Variants in FOXP1 observed in about 807,000 individuals in gnomAD.
FOXP1 encodes forkhead box protein P1.
In FOXP1, 15 loss-of-function variants were observed where a neutral mutation model predicts 98.2. The observed-to-expected ratio is 0.15, with a 90% CI of 0.10 to 0.24. The LOEUF is 0.24. Ranked by LOEUF, FOXP1 falls within the 10% of genes least tolerant of loss-of-function variation. The pLI is 1.00. For synonymous variants in FOXP1, 371 were observed against 314.5 expected (o/e 1.18, Z -1.90); for missense variants, 633 against 848.5 (o/e 0.75, Z 3.15).
chr3:71,229,923 T>A (rs1021051223), intron 5 of FOXP1, among the ~76,000 whole-genome samples: 2 of 152,036 alleles, frequency 1.3e-5, no homozygotes, highest in African/African-American at 4.8e-5. Context: ...GGGTTACTGC[T>A]TCATCTAGGA....
intron 7 of FOXP1, among the ~76,000 whole-genome samples, chr3:71,102,832 GA>G (rs2057085341): frequency 6.6e-6 from 1 of 152,122 alleles, no homozygotes; most frequent in Non-Finnish European, 1.5e-5. Context: ...TGAAAGCATA[GA>G]CTCTTGAGCC....
chr3:71,178,340 T>C (rs1397509200), intron 6 of FOXP1, among the ~76,000 whole-genome samples: 2 of 152,010 alleles, frequency 1.3e-5, no homozygotes. Flanking sequence ...TTCACCATGT[T>C]GGCCAAGATG....
At chr3:71,051,669 T>C (rs927008818) in intron 9 of FOXP1, among the ~76,000 whole-genome samples, 1 of 152,158 alleles carries the variant, frequency 6.6e-6, no homozygotes, top group African/African-American at 2.4e-5. Context: ...TTCAGTCCAC[T>C]GTAAAAATAT....
intron 7 of FOXP1, among the ~76,000 whole-genome samples, chr3:71,081,935 A>G (rs1195892674): frequency 2.0e-5 from 3 of 152,254 alleles, no homozygotes; most frequent in Non-Finnish European, 4.4e-5. Flanking sequence ...TGAAGTGCAC[A>G]ATAGCCAATG....
At chr3:71,038,847 T>C (rs1390098924) in intron 11 of FOXP1, among the ~76,000 whole-genome samples, 4 of 151,964 alleles carry the variant, frequency 2.6e-5, no homozygotes. Flanking sequence ...AAAAGTTTAA[T>C]GGAAATTGGG....
chr3:71,102,594 G>T (rs186917016), intron 7 of FOXP1, among the ~76,000 whole-genome samples: 1 of 152,146 alleles, frequency 6.6e-6, no homozygotes, highest in African/African-American at 2.4e-5. Flanking sequence ...AGTAATACCC[G>T]TCTTTCTTCT....
chr3:71,176,743 C>CA lies in FOXP1; in HGVS notation c.180+21458dup, dbSNP rs573639526. On this transcript the variant is annotated intron_variant, in intron 6 of 20. Transcript: ENST00000649528. ...AGGGCAACAGAGCAAGAGGCTATCT[C>CA]AAAAAAAAAAAAAAAAAAAAAAAAA... 1.4e-3 allele frequency among the ~76,000 whole-genome samples: 102 copies of CA among 75,542 alleles called. 1 individual carries two copies. The highest frequency in any genetic ancestry group is 1.3e-3 in the Non-Finnish European group (56 of 41,502). 49.6% of individuals were successfully genotyped at this position (75,542 alleles called of 152,430 possible).
chr3:71,248,084 A>T (rs145973313), intron 5 of FOXP1, among the ~76,000 whole-genome samples: 1,708 of 152,310 alleles, frequency 0.011, 15 homozygotes, highest in Non-Finnish European at 0.019. Flanking sequence ...CTCCTCTTGG[A>T]CTTGTCAATT....
chr3:71,519,114 C>T (rs760134979), intron 2 of FOXP1, among the ~76,000 whole-genome samples: 1 of 152,136 alleles, frequency 6.6e-6, no homozygotes, highest in African/African-American at 2.4e-5. Flanking sequence ...GATGTGGTGG[C>T]ACATGCCTCT....
chr3:70,984,261 T>C (rs966463926), intron 14 of FOXP1, among the ~76,000 whole-genome samples: 1 of 152,212 alleles, frequency 6.6e-6, no homozygotes, highest in African/African-American at 2.4e-5. Flanking sequence ...CTATTCCTTT[T>C]CTTCCTCTAC....
chr3:71,048,725 C>CA (rs2049393722), intron 9 of FOXP1, among the ~76,000 whole-genome samples: 3 of 118,070 alleles, frequency 2.5e-5, no homozygotes, highest in Admixed American at 1.0e-4. Context: ...CACAACATTA[C>CA]AAAAAAAAGG....
intron 5 of FOXP1, among the ~76,000 whole-genome samples, chr3:71,229,421 T>TAAAACATAAACTGTAAAA (rs1472049098): frequency 2.0e-5 from 3 of 152,144 alleles, no homozygotes; most frequent in Non-Finnish European, 2.9e-5. Flanking sequence ...GAAATGACTG[T>TAAAACATAAACTGTAAAA]CATAAACAGG....
In FOXP1 at chr3:71,504,612, C is replaced by G. The variant is rs142688917; in HGVS notation, c.-297-11057G>C. ...AGAGCTGTCCAACGTCTGATGGCCA[C>G]AGTTCCTTCTGACAAAGGAAACGTG... On this transcript the variant is annotated intron_variant, in intron 2 of 20. Coordinates refer to ENST00000649528, the MANE Select transcript of FOXP1 (RefSeq NM_001349338.3). Among the ~76,000 whole-genome samples, 640 of 152,264 alleles carry G rather than the reference C, an allele frequency of 4.2e-3. 3 individuals carry two copies. Among genetic ancestry groups the G allele is most frequent in the African/African-American group, 0.014 (586 of 41,544 alleles).
intron 12 of FOXP1, among the ~76,000 whole-genome samples, chr3:71,012,817 G>A (rs1430526851): frequency 6.6e-6 from 1 of 152,064 alleles, no homozygotes; most frequent in African/African-American, 2.4e-5. Context: ...AGAAGGAGAT[G>A]GTCCCCAACA....
chr3:71,002,490 C>G (rs990990926), intron 12 of FOXP1, among the ~76,000 whole-genome samples: 37 of 152,222 alleles, frequency 2.4e-4, no homozygotes, highest in Admixed American at 2.4e-3. Flanking sequence ...CAAGGAAGCC[C>G]GAGCTAAGCA....
At chr3:71,237,126 G>A (rs1001514502) in intron 5 of FOXP1, among the ~76,000 whole-genome samples, 2 of 147,248 alleles carry the variant, frequency 1.4e-5, no homozygotes, top group African/African-American at 5.0e-5. Flanking sequence ...CAGCCACTTG[G>A]GAGGCTGAGA....
In FOXP1 at chr3:71,563,011, A is replaced by G. The variant is rs896392199; in HGVS notation, c.-298+18538T>C. Among the ~76,000 whole-genome samples, 5 of 152,264 alleles carry G rather than the reference A, an allele frequency of 3.3e-5. No homozygotes were observed. The South Asian group carries it at 8.3e-4, about 25-fold the overall frequency. ...CTAGCAAGTGCCCTTCCAGGAAAAT[A>G]CAGAATGTGAGCCTGCTGAGGTTGG... On this transcript the variant is annotated intron_variant, in intron 2 of 20. Coordinates refer to ENST00000649528, the MANE Select transcript of FOXP1 (RefSeq NM_001349338.3).
chr3:71,168,061 A>G (rs903685732), intron 6 of FOXP1, among the ~76,000 whole-genome samples: 1 of 152,204 alleles, frequency 6.6e-6, no homozygotes, highest in Non-Finnish European at 1.5e-5. Flanking sequence ...GCATTTATTG[A>G]TAGAGGTTTG....
chr3:71,174,244 G>A (rs565445286), intron 6 of FOXP1, among the ~76,000 whole-genome samples: 2 of 152,244 alleles, frequency 1.3e-5, no homozygotes, highest in Non-Finnish European at 2.9e-5. Context: ...ACTGTGGAGG[G>A]GGGAAAAACC....
Sources: gnomAD v4.1 joint callset for allele counts (sites outside exome capture counted in the v4.1 genomes callset) on GRCh38, gnomAD v4.1.1 for gene constraint, MANE v1.5 for transcripts, NCBI Gene and HGNC (gene_info 2026-07-23, HGNC 2026-07-21) for gene names.